The following SDK1 variants were observed in gnomAD, a reference collection of about 807,000 sequenced individuals.
SDK1 encodes sidekick cell adhesion molecule 1.
SDK1 carries 157 observed loss-of-function variants against 245.5 expected under a neutral mutation model. The observed-to-expected ratio is 0.64, with a 90% CI of 0.56 to 0.73. The LOEUF (loss-of-function observed/expected upper bound fraction) is 0.73, where lower values mean the gene tolerates loss of function less well. Ranked by LOEUF, SDK1 falls within the 30% of genes least tolerant of loss-of-function variation. The probability of loss-of-function intolerance (pLI) is 0.00; values close to 1 mark genes in which losing one functional copy is unlikely to be tolerated. For missense variants in SDK1, 3,583 were observed against 3,002.3 expected, an observed-to-expected ratio of 1.19 and a Z score of -4.52; for synonymous variants, 1,647 against 1,278.5, an observed-to-expected ratio of 1.29 and a Z score of -6.15.
intron 44 of SDK1, among the ~76,000 whole-genome samples, chr7:4,255,486 G>A (rs755695603): frequency 1.3e-5 from 2 of 152,156 alleles, no homozygotes; most frequent in Admixed American, 1.3e-4. Context: ...CCCAGCGTGG[G>A]ACTTCTTCCT....
At chr7:3,858,202 T>A (rs114275313) in intron 5 of SDK1, among the ~76,000 whole-genome samples, 2,121 of 152,110 alleles carry the variant, frequency 0.014, 56 homozygotes, top group African/African-American at 0.049. Context: ...TTTTGTGTGG[T>A]GAAAAGAGAA....
At chr7:3,603,027 T>C (rs968767125) in intron 1 of SDK1, among the ~76,000 whole-genome samples, 8 of 152,148 alleles carry the variant, frequency 5.3e-5, no homozygotes, top group Non-Finnish European at 8.8e-5. Context: ...CTCTGTTCTG[T>C]TCCATTGATC....
At chr7:4,074,704 A>G (rs1328213905) in intron 20 of SDK1, among the ~76,000 whole-genome samples, 1 of 151,318 alleles carries the variant, frequency 6.6e-6, no homozygotes, top group East Asian at 2.0e-4. Flanking sequence ...TCTACAAAAA[A>G]TTTTAAAAAC....
intron 4 of SDK1, among the ~76,000 whole-genome samples, chr7:3,646,481 A>G (rs1229879025): frequency 6.6e-6 from 1 of 152,142 alleles, no homozygotes; most frequent in Non-Finnish European, 1.5e-5. Context: ...AGGCAGGTAT[A>G]ATTAGCTCTA....
Position 3,950,043 on chromosome 7 carries a change from G to C in SDK1, c.848-880G>C, listed in dbSNP as rs184730731. On this transcript the variant is annotated intron_variant, in intron 5 of 44. Transcript: ENST00000404826. ...GCAGGTAGACTAGGTAACTCAGTAA[G>C]CAAACTCTTAAATCAATAAAAGAAA... is the stretch of plus-strand genomic sequence containing the variant. 4.6e-5 allele frequency among the ~76,000 whole-genome samples: 7 copies of C among 152,352 alleles called. No individual in the cohort carries two copies. The East Asian group carries it at 1.4e-3, about 29-fold the overall frequency.
chr7:3,604,597 C>A (rs1487813666), intron 1 of SDK1, among the ~76,000 whole-genome samples: 2 of 131,210 alleles, frequency 1.5e-5, no homozygotes, highest in South Asian at 5.6e-4. Context: ...TTTTTCTTTT[C>A]TTTTCTTTTT....
chr7:3,307,483 A>G (rs895540136), intron 1 of SDK1, among the ~76,000 whole-genome samples: 5 of 152,230 alleles, frequency 3.3e-5, no homozygotes, highest in Admixed American at 3.3e-4. Flanking sequence ...TCATTATGTG[A>G]ACAGTGTTGC....
At chr7:4,263,440 G>T (rs1788184849) in intron 44 of SDK1, among the ~76,000 whole-genome samples, 1 of 148,458 alleles carries the variant, frequency 6.7e-6, no homozygotes, top group Non-Finnish European at 1.5e-5. Flanking sequence ...TCTCCTGAGT[G>T]GGGAGGCCGC....
intron 4 of SDK1, among the ~76,000 whole-genome samples, chr7:3,756,558 T>A (rs1391676651): frequency 6.6e-6 from 1 of 152,188 alleles, no homozygotes; most frequent in Non-Finnish European, 1.5e-5. Context: ...TTATTCCTTT[T>A]TTTTTTTTAA....
intron 4 of SDK1, among the ~76,000 whole-genome samples, chr7:3,815,454 G>A (rs1479530178): frequency 6.7e-6 from 1 of 149,874 alleles, no homozygotes; most frequent in East Asian, 1.9e-4. Context: ...TTGCATCCCA[G>A]GGATGAAGCC....
chr7:3,689,071 G>C (rs1171542899), intron 4 of SDK1, among the ~76,000 whole-genome samples: 1 of 152,216 alleles, frequency 6.6e-6, no homozygotes, highest in Non-Finnish European at 1.5e-5. Flanking sequence ...TGTGTCACTT[G>C]TGGTGGTTTT....
intron 4 of SDK1, among the ~76,000 whole-genome samples, chr7:3,754,672 G>A (rs1779866786): frequency 6.6e-6 from 1 of 150,544 alleles, no homozygotes; most frequent in South Asian, 2.1e-4. Context: ...TGGTTTCTAA[G>A]TAAGGGGAAG....
At chr7:3,377,449 T>G (rs1781381947) in intron 1 of SDK1, among the ~76,000 whole-genome samples, 1 of 152,176 alleles carries the variant, frequency 6.6e-6, no homozygotes, top group South Asian at 2.1e-4. Context: ...CTTGGCAAGC[T>G]TCCCCGTGGG....
chr7:4,184,217 C>G (rs1243777804), intron 35 of SDK1, among the ~76,000 whole-genome samples: 2 of 152,240 alleles, frequency 1.3e-5, no homozygotes, highest in Non-Finnish European at 2.9e-5. Flanking sequence ...GCACCACAAA[C>G]TCGTGGGCCC....
chr7:3,463,089 C>T (rs888508090), intron 1 of SDK1, among the ~76,000 whole-genome samples: 1 of 152,138 alleles, frequency 6.6e-6, no homozygotes, highest in Non-Finnish European at 1.5e-5. Context: ...CTTCCTTCAT[C>T]AACTTGTTAT....
At chr7:3,445,366 A>G (rs1252460363) in intron 1 of SDK1, among the ~76,000 whole-genome samples, 3 of 152,194 alleles carry the variant, frequency 2.0e-5, no homozygotes, top group East Asian at 1.9e-4. Context: ...GACTTTTACC[A>G]TGGTTAGGTT....
intron 1 of SDK1, among the ~76,000 whole-genome samples, chr7:3,617,810 G>T (rs973466330): frequency 6.6e-6 from 1 of 152,108 alleles, no homozygotes; most frequent in Non-Finnish European, 1.5e-5. Flanking sequence ...TATCCTCAAG[G>T]TCCTGCCTCT....
intron 28 of SDK1, among the ~76,000 whole-genome samples, chr7:4,133,190 C>T (rs186867074): frequency 3.3e-5 from 5 of 152,294 alleles, no homozygotes; most frequent in African/African-American, 9.6e-5. Context: ...CCGGGGAACG[C>T]GTTTACTTCT....
At chr7:3,953,736 C>A (rs965950959) in intron 7 of SDK1, among the ~76,000 whole-genome samples, 2 of 152,138 alleles carry the variant, frequency 1.3e-5, no homozygotes, top group African/African-American at 4.8e-5. Flanking sequence ...ACATTTATAT[C>A]TGATTAGTTT....
Sources: gnomAD v4.1 joint callset for allele counts (sites outside exome capture counted in the v4.1 genomes callset) on GRCh38, gnomAD v4.1.1 for gene constraint, MANE v1.5 for transcripts, NCBI Gene and HGNC (gene_info 2026-07-23, HGNC 2026-07-21) for gene names.